Variants in GPC5 observed in about 807,000 individuals in gnomAD.
GPC5 encodes glypican 5, also known as glypican-5.
Under a neutral mutation model 53.9 loss-of-function variants are expected in GPC5, and 47 were observed. The observed-to-expected ratio is 0.87, with a 90% CI of 0.69 to 1.11. The LOEUF (loss-of-function observed/expected upper bound fraction) is 1.11, where lower values mean the gene tolerates loss of function less well. Among genes scored for constraint, GPC5 ranks in the 50% most tolerant of loss-of-function variants. The probability of loss-of-function intolerance (pLI) is 0.00; values close to 1 mark genes in which losing one functional copy is unlikely to be tolerated. For synonymous variants in GPC5, 286 were observed against 263.3 expected, an observed-to-expected ratio of 1.09 and a Z score of -0.84; for missense variants, 748 against 713.1, an observed-to-expected ratio of 1.05 and a Z score of -0.56.
intron 6 of GPC5, among the ~76,000 whole-genome samples, chr13:92,006,681 A>T (rs556237991): frequency 6.6e-6 from 1 of 152,278 alleles, no homozygotes; most frequent in East Asian, 1.9e-4. Flanking sequence ...TCTTACAATC[A>T]AAGATGCTTG....
intron 5 of GPC5, among the ~76,000 whole-genome samples, chr13:91,862,605 T>G (rs1057481988): frequency 1.3e-5 from 2 of 152,208 alleles, no homozygotes; most frequent in Admixed American, 1.3e-4. Flanking sequence ...ATTGTGTGTC[T>G]GTATATGTAT....
intron 2 of GPC5, among the ~76,000 whole-genome samples, chr13:91,686,216 T>A (rs900404239): frequency 3.3e-5 from 5 of 152,018 alleles, no homozygotes; most frequent in East Asian, 1.9e-4. Flanking sequence ...AAGTTGATTT[T>A]CAAACATAAT....
intron 5 of GPC5, among the ~76,000 whole-genome samples, chr13:91,857,095 A>T (rs768174828): frequency 7.9e-5 from 12 of 151,230 alleles, no homozygotes; most frequent in Non-Finnish European, 1.2e-4. Context: ...CTTTTCTATT[A>T]GTCTATTTAT....
intron 5 of GPC5, among the ~76,000 whole-genome samples, chr13:91,905,287 TTCTCTC>T (rs1057316318): frequency 6.6e-6 from 1 of 151,790 alleles, no homozygotes; most frequent in Non-Finnish European, 1.5e-5. Context: ...GTTACTCTCT[TTCTCTC>T]TCTATCTCTC....
intron 2 of GPC5, among the ~76,000 whole-genome samples, chr13:91,687,089 A>T (rs1287473373): frequency 6.6e-6 from 1 of 151,996 alleles, no homozygotes; most frequent in Non-Finnish European, 1.5e-5. Context: ...AAAATATTAA[A>T]AGGGTCATAA....
chr13:92,020,889 T>C (rs1425323338), intron 6 of GPC5, among the ~76,000 whole-genome samples: 2 of 152,156 alleles, frequency 1.3e-5, no homozygotes, highest in African/African-American at 4.8e-5. Flanking sequence ...TTTGGTATCA[T>C]ATTCGTGAAA....
intron 7 of GPC5, among the ~76,000 whole-genome samples, chr13:92,211,115 T>G (rs2042371746): frequency 2.0e-5 from 3 of 152,188 alleles, no homozygotes; most frequent in South Asian, 4.1e-4. Flanking sequence ...AATAGGTGAG[T>G]AAAATAAATG....
chr13:91,556,982 C>T (rs892198556), intron 2 of GPC5, among the ~76,000 whole-genome samples: 1 of 151,938 alleles, frequency 6.6e-6, no homozygotes, highest in Non-Finnish European at 1.5e-5. Context: ...TAAAAAATAA[C>T]AACAACAAAA....
intron 1 of GPC5, among the ~76,000 whole-genome samples, chr13:91,436,453 T>A (rs1879968572): frequency 6.6e-6 from 1 of 152,208 alleles, no homozygotes. Flanking sequence ...TACCCAGTAG[T>A]CATTCAGGAG....
chr13:92,271,283 G>A (rs1345642415), intron 7 of GPC5, among the ~76,000 whole-genome samples: 1 of 152,172 alleles, frequency 6.6e-6, no homozygotes, highest in Non-Finnish European at 1.5e-5. Flanking sequence ...GTCATTTGTA[G>A]CTTCACATTT....
chr13:91,986,266 C>T (rs1240391717), intron 6 of GPC5, among the ~76,000 whole-genome samples: 1 of 151,820 alleles, frequency 6.6e-6, no homozygotes, highest in African/African-American at 2.4e-5. Flanking sequence ...GGGGTTTCAT[C>T]ATGTTAGCCA....
chr13:91,400,938 A>T (rs1262101123), intron 1 of GPC5, among the ~76,000 whole-genome samples: 1 of 152,232 alleles, frequency 6.6e-6, no homozygotes, highest in African/African-American at 2.4e-5. Context: ...CACACAAAAA[A>T]GTTCCATGAC....
chr13:91,685,983 G>A (rs1004522060), intron 2 of GPC5, among the ~76,000 whole-genome samples: 1 of 151,446 alleles, frequency 6.6e-6, no homozygotes, highest in African/African-American at 2.4e-5. Flanking sequence ...AAAGGATATT[G>A]GTTTACTTGT....
At chr13:92,429,130 G>A (rs898822590) in intron 7 of GPC5, among the ~76,000 whole-genome samples, 26 of 151,976 alleles carry the variant, frequency 1.7e-4, no homozygotes, top group African/African-American at 5.8e-4. Context: ...CACCATAAAA[G>A]ATAACACTTC....
At chr13:92,373,917 T>G (rs1364780242) in intron 7 of GPC5, among the ~76,000 whole-genome samples, 2 of 152,210 alleles carry the variant, frequency 1.3e-5, no homozygotes, top group East Asian at 3.9e-4. Context: ...TAATTCATAG[T>G]AATGATTGGT....
At chr13:92,096,021 A>T (rs1463318349) in intron 6 of GPC5, among the ~76,000 whole-genome samples, 1 of 152,236 alleles carries the variant, frequency 6.6e-6, no homozygotes, top group African/African-American at 2.4e-5. Flanking sequence ...TGTTGGGACC[A>T]CAACCTAGCT....
chr13:92,630,672 C>G (rs1158952796), intron 7 of GPC5, among the ~76,000 whole-genome samples: 1 of 152,058 alleles, frequency 6.6e-6, no homozygotes, highest in Non-Finnish European at 1.5e-5. Context: ...GCACATGTAT[C>G]CTAGAACTGA....
At chr13:92,355,356 GC>G (rs1379272526) in intron 7 of GPC5, among the ~76,000 whole-genome samples, 1 of 151,636 alleles carries the variant, frequency 6.6e-6, no homozygotes, top group Non-Finnish European at 1.5e-5. Flanking sequence ...ATCTGAATCT[GC>G]AGTATTAAAA....
chr13:91,779,898 A>G, intron 5 of GPC5, among the ~76,000 whole-genome samples: 1 of 152,328 alleles, frequency 6.6e-6, no homozygotes, highest in East Asian at 1.9e-4. Context: ...ACTTAAAAAA[A>G]AATAAGTAGA....
Sources: gnomAD v4.1 joint callset for allele counts (sites outside exome capture counted in the v4.1 genomes callset) on GRCh38, gnomAD v4.1.1 for gene constraint, MANE v1.5 for transcripts, NCBI Gene and HGNC (gene_info 2026-07-23, HGNC 2026-07-21) for gene names.